Variants in EXOC6 observed in about 807,000 individuals in gnomAD.
EXOC6 encodes the protein SEC15-like 1.
EXOC6 carries 60 observed loss-of-function variants against 112.5 expected under a neutral mutation model. The ratio of observed to expected loss-of-function variants is 0.53; its 90% CI spans 0.43 to 0.66. EXOC6 has a LOEUF of 0.66. EXOC6 is among the 30% of genes least tolerant of loss of function. The pLI, the probability that EXOC6 is intolerant of heterozygous loss-of-function variation, is 0.00. For synonymous variants in EXOC6, 295 were observed against 308.0 expected (o/e 0.96, Z 0.44); for missense variants, 855 against 957.1 (o/e 0.89, Z 1.41).
intron 17 of EXOC6, among the ~76,000 whole-genome samples, chr10:92,965,368 TAA>T (rs1842003930): frequency 1.3e-5 from 2 of 152,302 alleles, no homozygotes; most frequent in South Asian, 4.1e-4. Flanking sequence ...AAATTTTTTT[TAA>T]AAGTTCTCAA....
chr10:92,906,597 CTTTG>C (rs930812251), intron 5 of EXOC6, among the ~76,000 whole-genome samples: 9 of 152,208 alleles, frequency 5.9e-5, no homozygotes, highest in Non-Finnish European at 1.0e-4. Flanking sequence ...ATTTGCTCTA[CTTTG>C]TTTATTTTTA....
intron 1 of EXOC6, among the ~76,000 whole-genome samples, chr10:92,886,786 A>T (rs1380049212): frequency 6.6e-6 from 1 of 152,242 alleles, no homozygotes; most frequent in Non-Finnish European, 1.5e-5. Flanking sequence ...ATCTGGGGTC[A>T]GAAGAGAGTT....
Position 92,954,690 on chromosome 10 carries a change from G to A in EXOC6, c.1587G>A (p.Leu529=), listed in dbSNP as rs760720791. The A allele has an allele frequency of 1.2e-5, 20 of 1,609,622 alleles. No individual in the cohort carries two copies. The East Asian group carries it at 4.2e-4, about 34-fold the overall frequency. The change falls in exon 16 of 22, where the codon TTG becomes TTA. Residue 529 remains leucine, a synonymous_variant. Transcript: ENST00000260762. The stretch of plus-strand genomic sequence containing the variant: ...CAAATCTGCTGCTGACCAGAACTTT[G>A]AGTAGCTGTTTACTGAACCTTATTA... The part of the protein sequence containing the change: ...KSTNLLLTRT[L]SSCLLNLIRK...
chr10:92,830,074 G>A (rs905520034), upstream of EXOC6, among the ~76,000 whole-genome samples: 20 of 152,166 alleles, frequency 1.3e-4, no homozygotes, highest in Non-Finnish European at 1.5e-5. Context: ...ATAAGCAGCT[G>A]AGCACCCATG....
intron 1 of EXOC6, among the ~76,000 whole-genome samples, chr10:92,879,270 C>G (rs746736141): frequency 1.3e-5 from 2 of 152,212 alleles, no homozygotes; most frequent in Non-Finnish European, 1.5e-5. Context: ...CCCCTCAAGA[C>G]TAGCCTGGGC....
intron 17 of EXOC6, among the ~76,000 whole-genome samples, chr10:92,960,334 A>G (rs1853916979): frequency 6.6e-6 from 1 of 152,158 alleles, no homozygotes; most frequent in Non-Finnish European, 1.5e-5. Flanking sequence ...AAAAAAATTA[A>G]TGGTAGCCAG....
intron 7 of EXOC6, among the ~76,000 whole-genome samples, chr10:92,918,133 G>A (rs1039759988): frequency 6.6e-6 from 1 of 152,152 alleles, no homozygotes; most frequent in Admixed American, 6.5e-5. Flanking sequence ...GTGACAGAGT[G>A]AGACGCCCAT....
At position 92,948,185 on chromosome 10, in the gene EXOC6, T is replaced by G; in HGVS notation, c.1311-89T>G. The G allele has an allele frequency of 2.6e-6, 2 of 759,100 alleles. 1 individual carries two copies. Among genetic ancestry groups the G allele is most frequent in the South Asian group, 4.1e-5 (2 of 48,274 alleles). 47.0% of individuals were successfully genotyped at this position (759,100 alleles called of 1,614,324 possible). A position where few individuals can be genotyped will look rare whatever the true frequency, so the allele number is the denominator to read the frequency against. Reference sequence around the variant, plus strand: ...AATAGACAAGTAAAAACTGCTTTTGTAATAGTTGGGGTTTTTTAAGGTATT... The same window carrying G: ...AATAGACAAGTAAAAACTGCTTTTGGAATAGTTGGGGTTTTTTAAGGTATT... On this transcript the variant is annotated intron_variant, in intron 13 of 21. Transcript: ENST00000260762.
At chr10:92,830,101 G>A (rs1158573064), upstream of EXOC6, among the ~76,000 whole-genome samples, 1 of 152,172 alleles carries the variant, frequency 6.6e-6, no homozygotes, top group African/African-American at 2.4e-5. Flanking sequence ...CTCTGCCTAT[G>A]GAGTAGCCAT....
chr10:92,829,659 A>C (rs1043836897), intron 1 of EXOC6, among the ~76,000 whole-genome samples: 6 of 152,210 alleles, frequency 3.9e-5, no homozygotes, highest in Non-Finnish European at 8.8e-5. Flanking sequence ...CATCTTGAAT[A>C]AGGGCTGGGT....
intron 20 of EXOC6, among the ~76,000 whole-genome samples, chr10:93,051,492 T>C (rs1354261765): frequency 1.3e-5 from 2 of 152,204 alleles, no homozygotes; most frequent in Non-Finnish European, 2.9e-5. Context: ...GGAGGCACAA[T>C]ACTGTTTTGC....
chr10:92,899,519 T>C, intron 4 of EXOC6, 80 bp from the exon 5 acceptor site: 1 of 998,886 alleles, frequency 1.0e-6, no homozygotes, highest in Non-Finnish European at 1.5e-6. Flanking sequence ...TAATATACTC[T>C]TTCCTGCTTT....
chr10:92,834,659 AT>A (rs11408607), upstream of EXOC6: 13,729 of 946,212 alleles, frequency 0.015, 12 homozygotes, highest in South Asian at 0.024. Context: ...GGAAAACGGT[AT>A]TTTTTTTTTT....
At chr10:93,023,947 G>C (rs1295751857) in intron 20 of EXOC6, among the ~76,000 whole-genome samples, 1 of 152,044 alleles carries the variant, frequency 6.6e-6, no homozygotes, top group Non-Finnish European at 1.5e-5. Flanking sequence ...GGTGACCAAA[G>C]ATTATTTTTT....
At chr10:92,928,163 A>C (rs1851827014) in intron 8 of EXOC6, among the ~76,000 whole-genome samples, 176 bp from the exon 9 acceptor site, 1 of 152,236 alleles carries the variant, frequency 6.6e-6, no homozygotes, top group Non-Finnish European at 1.5e-5. Context: ...ATACAAACAA[A>C]TTACTATCTT....
intron 19 of EXOC6, among the ~76,000 whole-genome samples, chr10:93,012,326 G>C (rs1462959353): frequency 6.6e-6 from 1 of 152,144 alleles, no homozygotes; most frequent in Non-Finnish European, 1.5e-5. Flanking sequence ...AGAAAAATTA[G>C]AAAAGCTAGA....
chr10:92,857,166 CT>C (rs11407715), intron 1 of EXOC6, among the ~76,000 whole-genome samples: 336 of 144,614 alleles, frequency 2.3e-3, no homozygotes, highest in African/African-American at 6.6e-3. Context: ...TTCTTTCTTC[CT>C]TTTTTTTTTT....
At chr10:92,906,121 C>G (rs1434753351) in intron 5 of EXOC6, among the ~76,000 whole-genome samples, 1 of 152,074 alleles carries the variant, frequency 6.6e-6, no homozygotes, top group Admixed American at 6.6e-5. Flanking sequence ...TTTCCTTGCT[C>G]TGAAATCTGT....
At chr10:93,055,966 A>G (rs897930574) in intron 20 of EXOC6, among the ~76,000 whole-genome samples, 2 of 152,184 alleles carry the variant, frequency 1.3e-5, no homozygotes, top group Non-Finnish European at 2.9e-5. Flanking sequence ...TCCCATGAGT[A>G]AATGCAAATG....
Sources: gnomAD v4.1 joint callset for allele counts (sites outside exome capture counted in the v4.1 genomes callset) on GRCh38, gnomAD v4.1.1 for gene constraint, MANE v1.5 for transcripts, NCBI Gene and HGNC (gene_info 2026-07-23, HGNC 2026-07-21) for gene names.